Variants in LRCH2 observed in about 807,000 individuals in gnomAD.
LRCH2 encodes leucine rich repeats and calponin homology domain containing 2.
Under a neutral mutation model 68.9 loss-of-function variants are expected in LRCH2, and 38 were observed. The observed-to-expected ratio is 0.55, with a 90% confidence interval of 0.43 to 0.72. The LOEUF is 0.72. Among genes scored for constraint, LRCH2 ranks in the 30% least tolerant of loss-of-function variants. The pLI, the probability that LRCH2 is intolerant of heterozygous loss-of-function variation, is 0.00. For synonymous variants in LRCH2, 191 were observed against 208.1 expected, an observed-to-expected ratio of 0.92 and a Z score of 0.71; for missense variants, 528 against 572.9, an observed-to-expected ratio of 0.92 and a Z score of 0.80.
intron 1 of LRCH2, among the ~76,000 whole-genome samples, chrX:115,233,015 T>C (rs1569518476): frequency 8.9e-6 from 1 of 112,076 alleles, no homozygotes; most frequent in Non-Finnish European, 1.9e-5. Context: ...ACTATAAAAA[T>C]TAAGACTCTA....
chrX:115,200,634 G>GT (rs1187948701), intron 1 of LRCH2, among the ~76,000 whole-genome samples: 1 of 105,604 alleles, frequency 9.5e-6, no homozygotes, highest in African/African-American at 3.5e-5. Context: ...TGAATCAGTA[G>GT]TAAAAAAAAA....
rs782409982 is a variant in LRCH2, at chrX:115,130,135, TTAA to T, written c.1740+17_1740+19del. 1.8e-5 allele frequency: 17 copies of T among 942,642 alleles called. No individual in the cohort carries two copies. Among genetic ancestry groups the T allele is most frequent in the Non-Finnish European group, 2.3e-5 (16 of 683,846 alleles). 77.7% of individuals were successfully genotyped at this position (942,642 alleles called of 1,213,427 possible). A position where few individuals can be genotyped will look rare whatever the true frequency, so the allele number is the denominator to read the frequency against. ...GATAAGTAAACATTTCAAATAATTATTAATATTATCTTTTCTCACCTCATCATT... is the reference window on the plus strand; with the variant it reads ...GATAAGTAAACATTTCAAATAATTATTATTATCTTTTCTCACCTCATCATT... On this transcript the variant is annotated intron_variant, in intron 15 of 20. Coordinates refer to ENST00000317135, the MANE Select transcript of LRCH2 (RefSeq NM_020871.4).
At chrX:115,122,225 G>C (rs1479062746) in intron 20 of LRCH2, among the ~76,000 whole-genome samples, 1 of 107,970 alleles carries the variant, frequency 9.3e-6, no homozygotes, top group African/African-American at 3.3e-5. Context: ...AAAAAAGAAG[G>C]AAAAAAAGAT....
At chrX:115,122,976 C>G in intron 18 of LRCH2, 79 bp from the exon 19 acceptor site, 1 of 1,090,884 alleles carries the variant, frequency 9.2e-7, no homozygotes, top group South Asian at 2.0e-5. Flanking sequence ...TGTTGTATAT[C>G]CAAACATTTT....
chrX:115,190,739 C>A, intron 1 of LRCH2: 1 of 1,116,510 alleles, frequency 9.0e-7, no homozygotes, highest in Non-Finnish European at 1.2e-6. Context: ...TCACACGAGG[C>A]CCGCAGCGGG....
At chrX:115,142,501 C>T (rs191178705) in intron 14 of LRCH2, among the ~76,000 whole-genome samples, 271 of 111,382 alleles carry the variant, frequency 2.4e-3, no homozygotes, top group African/African-American at 8.2e-3. Flanking sequence ...GAAATAAAAC[C>T]AGAAATCAAT....
At chrX:115,134,494 A>C (rs2147356358) in intron 14 of LRCH2, among the ~76,000 whole-genome samples, 1 of 111,836 alleles carries the variant, frequency 8.9e-6, no homozygotes, top group East Asian at 2.8e-4. Context: ...GCAGCTGCTG[A>C]CTCTAAATTG....
At chrX:115,163,905 T>C (rs2072538895) in intron 10 of LRCH2, 122 bp from the exon 11 acceptor site, 1 of 435,062 alleles carries the variant, frequency 2.3e-6, no homozygotes, top group African/African-American at 2.5e-5. Flanking sequence ...CCTAGGTCCT[T>C]CTTTTAAAAT....
intron 14 of LRCH2, among the ~76,000 whole-genome samples, chrX:115,144,383 G>C (rs1018151083): frequency 1.8e-4 from 20 of 111,023 alleles, no homozygotes; most frequent in Admixed American, 1.2e-3. Flanking sequence ...TTTCCCCTAA[G>C]ATCTAAAAGA....
intron 1 of LRCH2, chrX:115,192,092 A>G (rs1412577603): frequency 4.3e-6 from 5 of 1,161,858 alleles, no homozygotes; most frequent in Non-Finnish European, 4.6e-6. Flanking sequence ...CACAGCGGGG[A>G]CCACTACACC....
intron 1 of LRCH2, among the ~76,000 whole-genome samples, chrX:115,195,308 A>G: frequency 9.2e-6 from 1 of 108,867 alleles, no homozygotes; most frequent in Middle Eastern, 4.7e-3. Flanking sequence ...TGAAAGTTGT[A>G]GGAATATGGT....
At chrX:115,208,380 T>C (rs2072983712) in intron 1 of LRCH2, among the ~76,000 whole-genome samples, 1 of 112,178 alleles carries the variant, frequency 8.9e-6, no homozygotes, top group Non-Finnish European at 1.9e-5. Context: ...TGGCAGTAAA[T>C]CAACAGTAGA....
In LRCH2 at chrX:115,192,636, C is replaced by G. The variant is rs1395677236; in HGVS notation, c.350-4266G>C. On this transcript the variant is annotated intron_variant, in intron 1 of 20. Coordinates refer to ENST00000317135, the MANE Select transcript of LRCH2 (RefSeq NM_020871.4). ...GCTTCGAGAGGGGGGAAGGCCGGAG[C>G]AGATACTAAGCAGGAACAGACTTGG... 101 of 1,167,715 alleles carry G rather than the reference C, an allele frequency of 8.6e-5. No individual in the cohort carries two copies. The highest frequency in any genetic ancestry group is 1.1e-4 in the Non-Finnish European group (100 of 873,433).
intron 14 of LRCH2, among the ~76,000 whole-genome samples, chrX:115,148,685 A>G (rs1461485365): frequency 6.3e-5 from 7 of 111,866 alleles, no homozygotes; most frequent in African/African-American, 9.7e-5. Context: ...ATAAAGGGTT[A>G]GGATAAATAA....
intron 1 of LRCH2, chrX:115,189,338 C>G (rs985873689): frequency 4.5e-6 from 4 of 897,755 alleles, no homozygotes; most frequent in Non-Finnish European, 6.1e-6. Flanking sequence ...CATCCACCCC[C>G]CCAACCGGTA....
intron 1 of LRCH2, among the ~76,000 whole-genome samples, chrX:115,219,323 T>C (rs1354032627): frequency 8.9e-6 from 1 of 111,943 alleles, no homozygotes; most frequent in Non-Finnish European, 1.9e-5. Flanking sequence ...TTACCTGAGC[T>C]ATTTGATAGC....
At chrX:115,141,900 G>A (rs1382458379) in intron 14 of LRCH2, among the ~76,000 whole-genome samples, 5 of 101,033 alleles carry the variant, frequency 4.9e-5, no homozygotes, top group Non-Finnish European at 4.0e-5. Context: ...GAAAGAAAAA[G>A]AAAAAAGAAA....
intron 1 of LRCH2, among the ~76,000 whole-genome samples, chrX:115,195,095 G>T (rs1603085075): frequency 9.0e-6 from 1 of 110,674 alleles, no homozygotes; most frequent in African/African-American, 3.3e-5. Flanking sequence ...CCAGCCTGAA[G>T]AATATGGTGA....
intron 5 of LRCH2, among the ~76,000 whole-genome samples, chrX:115,173,789 G>T (rs1556548652): frequency 9.0e-6 from 1 of 111,333 alleles, no homozygotes; most frequent in Non-Finnish European, 1.9e-5. Context: ...GAGACAGCTA[G>T]ACCAACCCCT....
Sources: allele counts gnomAD v4.1 joint callset (sites outside exome capture counted in the v4.1 genomes callset), GRCh38; gene constraint gnomAD v4.1.1; transcripts MANE v1.5; gene names NCBI Gene and HGNC (gene_info 2026-07-23, HGNC 2026-07-21).